Variants in SYT10 observed in about 807,000 individuals in gnomAD.
SYT10 encodes synaptotagmin-10.
SYT10 carries 31 observed loss-of-function variants against 51.1 expected under a neutral mutation model. That is an observed-to-expected ratio of 0.61 (90% CI 0.46 to 0.82). The LOEUF (loss-of-function observed/expected upper bound fraction) is 0.82, where lower values mean the gene tolerates loss of function less well. SYT10 is among the 40% of genes least tolerant of loss of function. The pLI, the probability that SYT10 is intolerant of heterozygous loss-of-function variation, is 0.00. For missense variants in SYT10, 603 were observed against 634.0 expected, an observed-to-expected ratio of 0.95 and a Z score of 0.53; for synonymous variants, 233 against 225.9, an observed-to-expected ratio of 1.03 and a Z score of -0.28.
chr12:33,432,258 T>C (rs975834863), intron 1 of SYT10: 3 of 152,088 alleles, frequency 2.0e-5, no homozygotes, highest in South Asian at 2.1e-4. Flanking sequence ...AAAATAATGG[T>C]GCATCTTATA....
Position 33,379,969 on chromosome 12 carries a change from T to C in SYT10, c.1371-8A>G, listed in dbSNP as rs752304716. ...ACCTCATTGTGTCCTACCCTATGAT[T>C]TGTGGGATATTATATTTTCATTTCC... On this transcript the variant is annotated splice_region_variant and splice_polypyrimidine_tract_variant and intron_variant, in intron 5 of 6. Transcript: ENST00000228567. 1.9e-6 allele frequency: 3 copies of C among 1,592,424 alleles called. No homozygotes were observed. Among genetic ancestry groups the C allele is most frequent in the Non-Finnish European group, 1.7e-6 (2 of 1,168,852 alleles).
Position 33,439,613 on chromosome 12 carries a change from T to C in SYT10, c.-91A>G, listed in dbSNP as rs1866668185. 6.9e-7 allele frequency: 1 copy of C among 1,456,198 alleles called. No individual in the cohort carries two copies. Among genetic ancestry groups the C allele is most frequent in the Non-Finnish European group, 9.2e-7 (1 of 1,084,248 alleles). 90.2% of individuals were successfully genotyped at this position (1,456,198 alleles called of 1,614,324 possible). A position where few individuals can be genotyped will look rare whatever the true frequency, so the allele number is the denominator to read the frequency against. ...CTAACCCCTCTGGCGCCCTAAGCCA[T>C]AGTCCGCCCGCGGTGACTTTGGCTG... On this transcript the variant is annotated 5_prime_UTR_variant, in exon 1 of 7. The change abolishes an upstream ATG in the 5' untranslated region. Transcript: ENST00000228567.
At chr12:33,436,126 T>C (rs1364812356) in intron 1 of SYT10, among the ~76,000 whole-genome samples, 2 of 152,124 alleles carry the variant, frequency 1.3e-5, no homozygotes, top group Non-Finnish European at 1.5e-5. Context: ...TTAAGCAACA[T>C]AGGTTCCTTG....
At chr12:33,427,379 T>C (rs1388777412) in intron 1 of SYT10, among the ~76,000 whole-genome samples, 2 of 152,160 alleles carry the variant, frequency 1.3e-5, no homozygotes, top group South Asian at 2.1e-4. Context: ...TTTTACAATA[T>C]AGAGAAGCAG....
intron 2 of SYT10, among the ~76,000 whole-genome samples, chr12:33,421,093 AAAGTT>A (rs1236562465): frequency 2.0e-5 from 3 of 152,200 alleles, no homozygotes; most frequent in East Asian, 1.9e-4. Flanking sequence ...TTCTTACAGT[AAAGTT>A]AACTATGGAG....
intron 6 of SYT10, among the ~76,000 whole-genome samples, chr12:33,379,460 C>T (rs1357708429): frequency 7.4e-6 from 1 of 134,652 alleles, no homozygotes; most frequent in East Asian, 2.3e-4. Flanking sequence ...CTGTTTTTTA[C>T]AGAAGAGAAG....
chr12:33,426,582 A>G (rs1866555474), intron 1 of SYT10, 87 bp from the exon 2 acceptor site: 1 of 1,138,636 alleles, frequency 8.8e-7, no homozygotes, highest in East Asian at 2.7e-5. Flanking sequence ...CATAATTGTT[A>G]TTATTTCCTG....
chr12:33,393,014 A>AAAAAAAAAAAAAT (rs1866223413), intron 3 of SYT10, among the ~76,000 whole-genome samples: 1 of 142,716 alleles, frequency 7.0e-6, no homozygotes, highest in East Asian at 2.0e-4. Context: ...AAAAAAAAAA[A>AAAAAAAAAAAAAT]TTGCAAAAAC....
chr12:33,416,563 G>A (rs1297144893), intron 2 of SYT10, among the ~76,000 whole-genome samples: 3 of 152,048 alleles, frequency 2.0e-5, no homozygotes, highest in Non-Finnish European at 4.4e-5. Context: ...CTCGAATTCC[G>A]ACAATCTAAG....
At chr12:33,396,828 C>T (rs551164224) in intron 3 of SYT10, among the ~76,000 whole-genome samples, 2 of 151,966 alleles carry the variant, frequency 1.3e-5, no homozygotes, top group African/African-American at 2.4e-5. Context: ...CTAGTAGAGA[C>T]GAGGTTTCAC....
chr12:33,419,532 T>C (rs1866482744), intron 2 of SYT10, among the ~76,000 whole-genome samples: 1 of 152,190 alleles, frequency 6.6e-6, no homozygotes, highest in Non-Finnish European at 1.5e-5. Flanking sequence ...TTACAGGCAA[T>C]TGGTTCTTTA....
intron 2 of SYT10, among the ~76,000 whole-genome samples, chr12:33,420,819 C>T (rs572809118): frequency 2.0e-5 from 3 of 152,148 alleles, no homozygotes; most frequent in Non-Finnish European, 4.4e-5. Flanking sequence ...AGTGTGTACA[C>T]CTAATACATT....
rs1013657882 is a variant in SYT10 at position 33,439,709 on chromosome 12, T to C, written c.-187A>G. On this transcript the variant is annotated 5_prime_UTR_variant, in exon 1 of 7. Coordinates refer to ENST00000228567, the MANE Select transcript of SYT10 (RefSeq NM_198992.4). ...GGCCCCATGGCGGGAGCGGAGGGCGTAGGGGAAGGAGAGGCGCGCGAGGAG... is the reference window on the plus strand; with the variant it reads ...GGCCCCATGGCGGGAGCGGAGGGCGCAGGGGAAGGAGAGGCGCGCGAGGAG... The C allele has an allele frequency of 3.1e-6, 2 of 655,536 alleles. No individual in the cohort carries two copies. The highest frequency in any genetic ancestry group is 1.9e-5 in the African/African-American group (1 of 53,446). The allele number at this position is 655,536 out of a possible 1,614,324, so 40.6% of individuals were successfully genotyped here.
At chr12:33,433,206 A>G (rs1268133697) in intron 1 of SYT10, among the ~76,000 whole-genome samples, 1 of 152,180 alleles carries the variant, frequency 6.6e-6, no homozygotes, top group Non-Finnish European at 1.5e-5. Context: ...AAGACCTATA[A>G]TAATAACACT....
chr12:33,436,329 CAT>C (rs1247650968), intron 1 of SYT10, among the ~76,000 whole-genome samples: 1 of 152,116 alleles, frequency 6.6e-6, no homozygotes, highest in Admixed American at 6.6e-5. Context: ...TAGTGGGTGA[CAT>C]ATCTATTTCG....
intron 2 of SYT10, among the ~76,000 whole-genome samples, chr12:33,424,790 TGA>T (rs1866535992): frequency 6.6e-6 from 1 of 151,938 alleles, no homozygotes; most frequent in Non-Finnish European, 1.5e-5. Context: ...GGATATTTAT[TGA>T]GTTACATTAC....
chr12:33,401,026 C>CAATAAAAAA (rs1866299744), intron 3 of SYT10, among the ~76,000 whole-genome samples: 1 of 133,422 alleles, frequency 7.5e-6, no homozygotes. Flanking sequence ...GATTCTGTCT[C>CAATAAAAAA]AAAAAAAAAA....
intron 3 of SYT10, chr12:33,405,817 T>A (rs1047383089): frequency 2.0e-5 from 3 of 151,388 alleles, no homozygotes; most frequent in Admixed American, 2.0e-4. Context: ...AGATCACTTC[T>A]CTAATTCCAC....
intron 3 of SYT10, among the ~76,000 whole-genome samples, chr12:33,386,721 C>A (rs1591982351): frequency 6.6e-6 from 1 of 152,048 alleles, no homozygotes; most frequent in Admixed American, 6.6e-5. Context: ...GTTTGTTTCC[C>A]TGACTCCCAG....
Sources: gnomAD v4.1 joint callset for allele counts (sites outside exome capture counted in the v4.1 genomes callset) on GRCh38, gnomAD v4.1.1 for gene constraint, MANE v1.5 for transcripts, NCBI Gene and HGNC (gene_info 2026-07-23, HGNC 2026-07-21) for gene names.